The following RANGAP1 variants were observed in gnomAD, a reference collection of about 807,000 sequenced individuals.
RANGAP1 encodes the protein Ran GTPase activating protein 1.
A neutral mutation model predicts 63.5 loss-of-function variants in RANGAP1; 38 were observed. The ratio of observed to expected loss-of-function variants is 0.60; its 90% CI spans 0.46 to 0.78. The LOEUF is 0.78. Ranked by LOEUF, RANGAP1 falls within the 30% of genes least tolerant of loss-of-function variation. The pLI, the probability that RANGAP1 is intolerant of heterozygous loss-of-function variation, is 0.00. For synonymous variants in RANGAP1, 329 were observed against 310.5 expected, an observed-to-expected ratio of 1.06 and a Z score of -0.63; for missense variants, 630 against 740.3, an observed-to-expected ratio of 0.85 and a Z score of 1.73.
At chr22:41,298,558 G>T in the RANGAP1 span, among the ~76,000 whole-genome samples, 1 of 151,602 alleles carries the variant, frequency 6.6e-6, no homozygotes, top group Non-Finnish European at 1.5e-5. Flanking sequence ...CAGGTGATCC[G>T]CCCACCTTGG....
chr22:41,278,106 G>A (rs974126113), intron 2 of RANGAP1, among the ~76,000 whole-genome samples: 6 of 148,962 alleles, frequency 4.0e-5, no homozygotes, highest in African/African-American at 1.5e-4. Context: ...GTGCCATCTC[G>A]GCTCACTGCA....
At chr22:41,256,586 G>T in intron 8 of RANGAP1, 125 bp downstream of exon 8, 1 of 795,664 alleles carries the variant, frequency 1.3e-6, no homozygotes, top group Non-Finnish European at 2.0e-6. Context: ...GCATCACAGG[G>T]CCCGAAGTGG....
At chr22:41,250,837 C>T (rs112591969) in intron 13 of RANGAP1, among the ~76,000 whole-genome samples, 170 bp downstream of exon 13, 1 of 152,150 alleles carries the variant, frequency 6.6e-6, no homozygotes, top group Admixed American at 6.6e-5. Flanking sequence ...GGGAGAAGAG[C>T]AGCCAGCTGG....
At chr22:41,285,337 A>G in intron 1 of RANGAP1, 1 of 242,258 alleles carries the variant, frequency 4.1e-6, no homozygotes, top group Non-Finnish European at 6.6e-6. Context: ...AGAGAGCGAG[A>G]CAGAGATGCA....
At chr22:41,281,112 A>G (rs2145848402) in intron 1 of RANGAP1, 30 bp from the exon 2 acceptor site, 3 of 1,515,512 alleles carry the variant, frequency 2.0e-6, no homozygotes, top group Non-Finnish European at 2.6e-6. Context: ...AGTAAGAAAA[A>G]GGAGTCTCCT....
At chr22:41,298,233 C>A in the RANGAP1 span, among the ~76,000 whole-genome samples, 1 of 151,832 alleles carries the variant, frequency 6.6e-6, no homozygotes, top group African/African-American at 2.4e-5. Flanking sequence ...GAACTCCTGA[C>A]CTCGTGACCC....
intron 3 of RANGAP1, among the ~76,000 whole-genome samples, chr22:41,273,766 CAAAAAAAAAAA>C (rs71200678): frequency 4.1e-4 from 10 of 24,350 alleles, no homozygotes; most frequent in East Asian, 1.6e-3. Context: ...GACTCCATCT[CAAAAAAAAAAA>C]AAAAAAAAAA....
chr22:41,282,384 A>G (rs1481697811), intron 1 of RANGAP1: 1 of 152,128 alleles, frequency 6.6e-6, no homozygotes, highest in South Asian at 2.1e-4. Flanking sequence ...CAGTGGCGCC[A>G]TCTGGGCTCA....
intron 13 of RANGAP1, 40 bp from the exon 14 acceptor site, chr22:41,249,857 G>A: frequency 1.9e-6 from 3 of 1,576,188 alleles, no homozygotes; most frequent in Non-Finnish European, 2.6e-6. Context: ...GCTGGCTATG[G>A]CAGAGGGCTG....
chr22:41,252,811 T>C, intron 12 of RANGAP1, 61 bp downstream of exon 12: 1 of 1,461,820 alleles, frequency 6.8e-7, no homozygotes, highest in Non-Finnish European at 9.1e-7. Flanking sequence ...TTCGTCCCTT[T>C]TCTCTAACAG....
chr22:41,250,328 C>T (rs745619149), intron 13 of RANGAP1, among the ~76,000 whole-genome samples: 8 of 152,246 alleles, frequency 5.3e-5, no homozygotes, highest in Non-Finnish European at 7.3e-5. Context: ...CTCCCCGCTT[C>T]GACGCCACGC....
At chr22:41,302,161 C>G in the RANGAP1 span, among the ~76,000 whole-genome samples, 1 of 151,972 alleles carries the variant, frequency 6.6e-6, no homozygotes, top group Non-Finnish European at 1.5e-5. The surrounding 1 kb of genome is among the most constrained non-coding windows in gnomAD (Gnocchi z 5.7). Context: ...GATGCTTTGC[C>G]GACCCCGCGC....
intron 1 of RANGAP1, among the ~76,000 whole-genome samples, chr22:41,283,389 G>T (rs1242074628): frequency 6.6e-6 from 1 of 152,042 alleles, no homozygotes; most frequent in Non-Finnish European, 1.5e-5. Flanking sequence ...CACGCCTTTA[G>T]TCCCAGCTAC....
rs959441695 is a variant in RANGAP1, at chr22:41,268,131, G to A, written c.266C>T (p.Thr89Met). The A allele has an allele frequency of 1.3e-6, 2 of 1,558,326 alleles. No homozygotes were observed. The highest frequency in any genetic ancestry group is 1.9e-5 in the Admixed American group (1 of 52,106). ...LKRCHWSDMF[T>M]GRLRTEIPPA... ...TGGGATCTCGGTCCGCAGCCTTCCC[G>A]TGAACATGTCACTCCAGTGGCAGCG... is the stretch of plus-strand genomic sequence containing the variant. The change falls in exon 4 of 16, where the codon ACG becomes ATG. Residue 89 changes from threonine (T) to methionine (M), a missense_variant. Physicochemically the swap from Thr to Met is moderately conservative, Grantham distance 81. Transcript: ENST00000356244.
At chr22:41,292,952 C>G in the RANGAP1 span, among the ~76,000 whole-genome samples, 1 of 150,222 alleles carries the variant, frequency 6.7e-6, no homozygotes, top group Admixed American at 6.6e-5. Flanking sequence ...AAAAAATTGT[C>G]TAGCCGGGCG....
At chr22:41,274,312 C>T (rs965176689) in intron 3 of RANGAP1, among the ~76,000 whole-genome samples, 30 of 152,368 alleles carry the variant, frequency 2.0e-4, no homozygotes, top group African/African-American at 6.7e-4. Context: ...CTTCCCACCT[C>T]ACATGTGACA....
At chr22:41,252,122 G>T (rs1048744967) in intron 12 of RANGAP1, among the ~76,000 whole-genome samples, 1 of 152,054 alleles carries the variant, frequency 6.6e-6, no homozygotes, top group Non-Finnish European at 1.5e-5. Context: ...CATGAGGTCA[G>T]GAGTTTGAGA....
intron 5 of RANGAP1, among the ~76,000 whole-genome samples, chr22:41,264,401 C>A (rs771752210): frequency 2.6e-5 from 4 of 152,254 alleles, no homozygotes; most frequent in Non-Finnish European, 5.9e-5. Context: ...CTGAGTTTTG[C>A]AGAGCCAGCA....
rs771601694 is a variant in RANGAP1 at position 41,274,639 on chromosome 22, C to G, written c.201G>C (p.Arg67Ser). Residue 67 changes from arginine to serine, a missense_variant, in exon 3 of 16, where the codon AGG becomes AGC. Physicochemically the swap from Arg to Ser is moderately radical, Grantham distance 110. This residue lies in a region of RANGAP1 where 137 missense variants were observed against 214.3 expected (regional missense o/e 0.64). Transcript: ENST00000356244. ...TCTTCTCTAAGGCCTTGGCGATGAC[C>G]CTGGCTGCTTCCACGCCCACTGTGT... ...EGNTVGVEAA[R>S]VIAKALEKKS... The G allele has an allele frequency of 1.9e-6, 3 of 1,614,174 alleles. No individual in the cohort carries two copies. Among genetic ancestry groups the G allele is most frequent in the East Asian group, 2.2e-5 (1 of 44,878 alleles).
Sources: allele counts gnomAD v4.1 joint callset (sites outside exome capture counted in the v4.1 genomes callset), GRCh38; gene constraint gnomAD v4.1.1; regional missense constraint gnomAD v4.1.1; non-coding constraint Gnocchi (gnomAD v3.1); transcripts MANE v1.5; gene names NCBI Gene and HGNC (gene_info 2026-07-23, HGNC 2026-07-21).